The following HMG20A variants were observed in gnomAD, a reference collection of about 807,000 sequenced individuals.
HMG20A encodes high mobility group 20A.
A neutral mutation model predicts 43.9 loss-of-function variants in HMG20A; 17 were observed. That is an observed-to-expected ratio of 0.39 (90% CI 0.27 to 0.58). The LOEUF (loss-of-function observed/expected upper bound fraction) is 0.58, where lower values mean the gene tolerates loss of function less well. Ranked by LOEUF, HMG20A falls within the 20% of genes least tolerant of loss-of-function variation. HMG20A has a pLI of 0.59. For synonymous variants in HMG20A, 132 were observed against 147.5 expected (o/e 0.89, Z 0.76); for missense variants, 341 against 438.2 (o/e 0.78, Z 1.98).
chr15:77,476,527 G>C (rs2072858234), intron 6 of HMG20A, among the ~76,000 whole-genome samples: 1 of 140,810 alleles, frequency 7.1e-6, no homozygotes, highest in Non-Finnish European at 1.5e-5. Flanking sequence ...GTGGTGACAA[G>C]AGTAGGAAAG....
chr15:77,470,595 A>G (rs2072798066), intron 4 of HMG20A, among the ~76,000 whole-genome samples: 1 of 152,230 alleles, frequency 6.6e-6, no homozygotes. Flanking sequence ...AGTTCTATCT[A>G]TAGAGTTAGA....
the HMG20A span, among the ~76,000 whole-genome samples, chr15:77,517,724 G>C: frequency 6.6e-6 from 1 of 151,774 alleles, no homozygotes; most frequent in African/African-American, 2.4e-5. Flanking sequence ...TGAGGCCCAG[G>C]CCTCAGAGCT....
At chr15:77,505,170 A>G in the HMG20A span, among the ~76,000 whole-genome samples, 1 of 152,330 alleles carries the variant, frequency 6.6e-6, no homozygotes, top group East Asian at 1.9e-4. Flanking sequence ...GTGCCCTTCC[A>G]GCCCTGGACC....
chr15:77,457,986 C>T (rs1375420042), intron 1 of HMG20A, among the ~76,000 whole-genome samples: 1 of 152,154 alleles, frequency 6.6e-6, no homozygotes, highest in African/African-American at 2.4e-5. Context: ...CTCACAATAA[C>T]CCTTTGGGTT....
chr15:77,435,609 T>C (rs2073537899), intron 1 of HMG20A, among the ~76,000 whole-genome samples: 1 of 152,150 alleles, frequency 6.6e-6, no homozygotes, highest in Non-Finnish European at 1.5e-5. Context: ...TTTTGTACTT[T>C]AAGTTTACTT....
At chr15:77,421,698 T>C (rs2073350077) in intron 1 of HMG20A, among the ~76,000 whole-genome samples, 1 of 152,238 alleles carries the variant, frequency 6.6e-6, no homozygotes, top group African/African-American at 2.4e-5. Flanking sequence ...CACACTGAAG[T>C]ACTCAAATTT....
chr15:77,512,019 C>T, the HMG20A span, among the ~76,000 whole-genome samples: 1 of 152,156 alleles, frequency 6.6e-6, no homozygotes, highest in Non-Finnish European at 1.5e-5. Flanking sequence ...AGTGTCCCAT[C>T]AACAGATGAA....
rs375087662 is a variant in HMG20A at position 77,483,055 on chromosome 15, A to G, written c.*92A>G. ...ATGGAAATTTGAACTGAGTGGGGGCAGAGAAAGAGTGCAGATCCCTTTGCT... is the reference window on the plus strand; with the variant it reads ...ATGGAAATTTGAACTGAGTGGGGGCGGAGAAAGAGTGCAGATCCCTTTGCT... On this transcript the variant is annotated 3_prime_UTR_variant, in exon 10 of 10. Transcript: ENST00000336216. 1 of 152,256 alleles carries G rather than the reference A, an allele frequency of 6.6e-6. No homozygotes were observed. Among genetic ancestry groups the G allele is most frequent in the Non-Finnish European group, 1.5e-5 (1 of 68,074 alleles). The allele number at this position is 152,256 out of a possible 1,614,324, so 9.4% of individuals were successfully genotyped here. A position where few individuals can be genotyped will look rare whatever the true frequency, so the allele number is the denominator to read the frequency against.
intron 8 of HMG20A, 44 bp from the exon 9 acceptor site, chr15:77,479,135 C>G: frequency 6.3e-7 from 1 of 1,596,212 alleles, no homozygotes; most frequent in Non-Finnish European, 8.6e-7. Flanking sequence ...TATGGTACAA[C>G]TGAATAGGGA....
chr15:77,517,862 C>T, the HMG20A span, among the ~76,000 whole-genome samples: 3 of 152,104 alleles, frequency 2.0e-5, no homozygotes. Flanking sequence ...AACAGACTCA[C>T]TTACTATGTG....
intron 1 of HMG20A, among the ~76,000 whole-genome samples, chr15:77,453,677 C>T (rs954137975): frequency 1.3e-5 from 2 of 152,188 alleles, no homozygotes; most frequent in Non-Finnish European, 2.9e-5. Context: ...CAACCCAAGT[C>T]TATCAACTGA....
At chr15:77,441,980 C>A (rs2073617779) in intron 1 of HMG20A, among the ~76,000 whole-genome samples, 2 of 152,092 alleles carry the variant, frequency 1.3e-5, no homozygotes, top group African/African-American at 2.4e-5. Context: ...TCTGAAGGCA[C>A]AGAGATGCCA....
chr15:77,491,101 T>C, the HMG20A span, among the ~76,000 whole-genome samples: 4 of 152,270 alleles, frequency 2.6e-5, no homozygotes, highest in African/African-American at 9.6e-5. Context: ...CTGAATGTTC[T>C]AGGATATAAA....
rs950126126 is a variant in HMG20A, at chr15:77,470,804, C to G, written c.451-106C>G. The G allele has an allele frequency of 3.0e-6, 3 of 987,278 alleles. No homozygotes were observed. The African/African-American group carries it at 5.1e-5, about 17-fold the overall frequency. The allele number at this position is 987,278 out of a possible 1,614,324, so 61.2% of individuals were successfully genotyped here. The stretch of plus-strand genomic sequence containing the variant: ...TTTTTTAAGGCATATTCCCTATATT[C>G]TTTTCTTCCCATGTTCTAATTGTCC... On this transcript the variant is annotated intron_variant, in intron 4 of 9. Transcript: ENST00000336216.
chr15:77,498,936 G>A, the HMG20A span, among the ~76,000 whole-genome samples: 1 of 152,054 alleles, frequency 6.6e-6, no homozygotes, highest in Admixed American at 6.6e-5. Flanking sequence ...TTTTTTATAA[G>A]TCCATTATTC....
At chr15:77,435,015 G>A (rs922732204) in intron 1 of HMG20A, among the ~76,000 whole-genome samples, 23 of 152,122 alleles carry the variant, frequency 1.5e-4, no homozygotes, top group Admixed American at 5.9e-4. Flanking sequence ...TATCTACATG[G>A]ATGATCACCA....
At chr15:77,425,650 G>C (rs1032880277) in intron 1 of HMG20A, among the ~76,000 whole-genome samples, 3 of 152,170 alleles carry the variant, frequency 2.0e-5, no homozygotes, top group African/African-American at 7.2e-5. Context: ...AGGTGTTTGA[G>C]TAGGGATGGC....
intron 6 of HMG20A, among the ~76,000 whole-genome samples, chr15:77,472,620 A>G (rs2072820086): frequency 6.6e-6 from 1 of 152,168 alleles, no homozygotes; most frequent in South Asian, 2.1e-4. Flanking sequence ...TCACTTCACT[A>G]GCACATGTTT....
the HMG20A span, among the ~76,000 whole-genome samples, chr15:77,493,516 G>C: frequency 1.3e-5 from 2 of 152,170 alleles, no homozygotes; most frequent in Non-Finnish European, 2.9e-5. Context: ...GTCACTGAAG[G>C]TTTCAGAAAG....
Sources: allele counts gnomAD v4.1 joint callset (sites outside exome capture counted in the v4.1 genomes callset), GRCh38; gene constraint gnomAD v4.1.1; transcripts MANE v1.5; gene names NCBI Gene and HGNC (gene_info 2026-07-23, HGNC 2026-07-21).